OR2C1: variants seen among roughly 807,000 people sequenced by gnomAD.
OR2C1 encodes olfactory receptor 2C1.
For synonymous variants in OR2C1, 209 were observed against 167.3 expected, an observed-to-expected ratio of 1.25 and a Z score of -1.92; for missense variants, 468 against 388.3, an observed-to-expected ratio of 1.21 and a Z score of -1.73.
chr16:3,351,408 A>G (rs1295623219), upstream of OR2C1, among the ~76,000 whole-genome samples: 1 of 151,932 alleles, frequency 6.6e-6, no homozygotes, highest in Non-Finnish European at 1.5e-5. Flanking sequence ...TATGAAGCAC[A>G]CATTTTTAAA....
At chr16:3,346,409 C>G in the OR2C1 span, among the ~76,000 whole-genome samples, 1 of 152,120 alleles carries the variant, frequency 6.6e-6, no homozygotes, top group African/African-American at 2.4e-5. Flanking sequence ...TCCAGCTGGA[C>G]TCTGAGGTTG....
At chr16:3,329,639 T>C in the OR2C1 span, among the ~76,000 whole-genome samples, 6 of 150,468 alleles carry the variant, frequency 4.0e-5, no homozygotes, top group Non-Finnish European at 8.9e-5. Context: ...TTAGTAGAGA[T>C]GGGGTTTCAC....
chr16:3,358,080 A>G (rs1393698439), downstream of OR2C1, among the ~76,000 whole-genome samples: 3 of 151,902 alleles, frequency 2.0e-5, no homozygotes, highest in African/African-American at 7.3e-5. Flanking sequence ...CCTTATGCCT[A>G]TATTCCAATT....
In OR2C1 at chr16:3,355,946, C is replaced by T. The variant is rs138160821; in HGVS notation, c.6C>T (p.Asp2=). The T allele has an allele frequency of 5.6e-6, 9 of 1,600,904 alleles. No individual in the cohort carries two copies. Among genetic ancestry groups the T allele is most frequent in the South Asian group, 4.5e-5 (4 of 89,314 alleles). The part of the protein sequence containing the change: M[D]GVNDSSLQGF... ...GTGACTGAAGACAACCAGTGATGGA[C>T]GGGGTGAATGATAGCTCCTTGCAGG... Residue 2 remains aspartate (D), a synonymous_variant, in exon 1 of 1, where the codon GAC becomes GAT. Transcript: ENST00000304936.
At chr16:3,325,460 AATATATATATATATATATAT>A in the OR2C1 span, among the ~76,000 whole-genome samples, 272 of 93,156 alleles carry the variant, frequency 2.9e-3, 1 homozygote, top group African/African-American at 0.012. Flanking sequence ...TATGTCTAAA[AATATATATATATATATATAT>A]ATATATATAT....
chr16:3,342,670 G>A, the OR2C1 span, among the ~76,000 whole-genome samples: 1 of 152,152 alleles, frequency 6.6e-6, no homozygotes, highest in African/African-American at 2.4e-5. Context: ...ATGAGGTCGG[G>A]AGTTCGAGAT....
At chr16:3,350,131 C>T in the OR2C1 span, among the ~76,000 whole-genome samples, 3 of 135,160 alleles carry the variant, frequency 2.2e-5, no homozygotes, top group East Asian at 7.3e-4. Context: ...TCTCGGCTCA[C>T]TGCAACCACC....
At chr16:3,354,812 C>G (rs994113731), upstream of OR2C1, among the ~76,000 whole-genome samples, 9 of 152,138 alleles carry the variant, frequency 5.9e-5, no homozygotes, top group African/African-American at 2.2e-4. Flanking sequence ...CTCCCTCTGT[C>G]ACTCAGGCAT....
chr16:3,348,357 T>C, the OR2C1 span, among the ~76,000 whole-genome samples: 1 of 152,206 alleles, frequency 6.6e-6, no homozygotes, highest in Non-Finnish European at 1.5e-5. Flanking sequence ...AATGAGATTA[T>C]CCAGTTCCTC....
the OR2C1 span, among the ~76,000 whole-genome samples, chr16:3,330,599 T>A: frequency 4.9e-4 from 74 of 152,350 alleles, no homozygotes; most frequent in Middle Eastern, 3.4e-3. Flanking sequence ...TATTTTTTAT[T>A]GATACATAAT....
At chr16:3,349,002 T>C in the OR2C1 span, among the ~76,000 whole-genome samples, 1 of 151,970 alleles carries the variant, frequency 6.6e-6, no homozygotes, top group Non-Finnish European at 1.5e-5. Flanking sequence ...CCGCATAGGA[T>C]GGCCATCACA....
the OR2C1 span, among the ~76,000 whole-genome samples, chr16:3,326,493 C>A: frequency 1.3e-5 from 2 of 152,202 alleles, no homozygotes; most frequent in African/African-American, 4.8e-5. Flanking sequence ...GCCCTCTGTT[C>A]TATTCAACTA....
At chr16:3,328,987 A>AAATTAATT in the OR2C1 span, among the ~76,000 whole-genome samples, 82 of 149,096 alleles carry the variant, frequency 5.5e-4, no homozygotes, top group East Asian at 1.8e-3. Flanking sequence ...TGGACTAGGA[A>AAATTAATT]AATTAATTAA....
At chr16:3,353,979 TTTTC>T (rs1302174170), upstream of OR2C1, among the ~76,000 whole-genome samples, 1 of 124,684 alleles carries the variant, frequency 8.0e-6, no homozygotes, top group African/African-American at 3.3e-5. Context: ...TTTTCTTTTC[TTTTC>T]TTTTTTTTTT....
chr16:3,352,464 A>T (rs578076335), upstream of OR2C1, among the ~76,000 whole-genome samples: 12 of 152,288 alleles, frequency 7.9e-5, no homozygotes, highest in African/African-American at 2.9e-4. Context: ...TTAAATTTTA[A>T]TGTTTTTAAA....
chr16:3,354,380 C>G (rs549955970), upstream of OR2C1, among the ~76,000 whole-genome samples: 1 of 152,296 alleles, frequency 6.6e-6, no homozygotes, highest in East Asian at 1.9e-4. Context: ...TCTAATTTCC[C>G]TTACTAATTA....
chr16:3,345,566 T>TAC, the OR2C1 span, among the ~76,000 whole-genome samples: 2 of 151,984 alleles, frequency 1.3e-5, no homozygotes, highest in African/African-American at 2.4e-5. Context: ...ATGGTATATA[T>TAC]ACACACACAC....
At chr16:3,353,162 T>C (rs2030600857), upstream of OR2C1, among the ~76,000 whole-genome samples, 1 of 151,306 alleles carries the variant, frequency 6.6e-6, no homozygotes, top group Admixed American at 6.6e-5. Flanking sequence ...ATCCGGTTAG[T>C]AACTCAGTTC....
At chr16:3,333,211 A>ATTTTTTTTTTTTTTT in the OR2C1 span, among the ~76,000 whole-genome samples, 10 of 65,840 alleles carry the variant, frequency 1.5e-4, no homozygotes, top group Non-Finnish European at 2.9e-4. Flanking sequence ...TCTTTTGCCC[A>ATTTTTTTTTTTTTTT]TTTTTTTTTT....
Sources: gnomAD v4.1 joint callset for allele counts (sites outside exome capture counted in the v4.1 genomes callset) on GRCh38, gnomAD v4.1.1 for gene constraint, MANE v1.5 for transcripts, NCBI Gene and HGNC (gene_info 2026-07-23, HGNC 2026-07-21) for gene names.